The following PRKCE variants were observed in gnomAD, a reference collection of about 807,000 sequenced individuals.
The protein encoded by PRKCE is protein kinase C epsilon type.
PRKCE carries 16 observed loss-of-function variants against 85.4 expected under a neutral mutation model. That is an observed-to-expected ratio of 0.19 (90% CI 0.13 to 0.28). PRKCE has a LOEUF of 0.28. Among genes scored for constraint, PRKCE ranks in the 10% least tolerant of loss-of-function variants. The pLI, the probability that PRKCE is intolerant of heterozygous loss-of-function variation, is 1.00. For synonymous variants in PRKCE, 388 were observed against 371.5 expected (o/e 1.04, Z -0.51); for missense variants, 573 against 975.2 (o/e 0.59, Z 5.49).
In PRKCE at chr2:46,068,901, G is replaced by T. The variant is rs1406664845; in HGVS notation, c.1438-17307G>T. Among the ~76,000 whole-genome samples the T allele has an allele frequency of 6.6e-6, 1 of 152,224 alleles. No individual in the cohort carries two copies. The highest frequency in any genetic ancestry group is 6.5e-5 in the Admixed American group (1 of 15,292). On this transcript the variant is annotated intron_variant, in intron 10 of 14. Coordinates refer to ENST00000306156, the MANE Select transcript of PRKCE (RefSeq NM_005400.3). This position sits in a 1 kb window ranked among gnomAD's most constrained non-coding sequence, Gnocchi z 4.3. ...AGCTGTGGTCCTTGTGACTCCAAGG[G>T]TGATCCCTAGACTAGCAGCATTGCA... is the stretch of plus-strand genomic sequence containing the variant.
intron 10 of PRKCE, among the ~76,000 whole-genome samples, chr2:46,056,906 C>G (rs1666633470): frequency 6.6e-6 from 1 of 152,218 alleles, no homozygotes; most frequent in African/African-American, 2.4e-5. Context: ...GTTTGGATCA[C>G]TATTGCTACA....
intron 2 of PRKCE, among the ~76,000 whole-genome samples, chr2:45,922,553 C>T (rs1698326317): frequency 6.6e-6 from 1 of 152,206 alleles, no homozygotes; most frequent in Admixed American, 6.5e-5. Flanking sequence ...CCGCCACCTG[C>T]TCTCTTCCTA....
intron 10 of PRKCE, among the ~76,000 whole-genome samples, chr2:46,045,155 A>G (rs1267244306): frequency 6.6e-6 from 1 of 152,226 alleles, no homozygotes; most frequent in Non-Finnish European, 1.5e-5. Context: ...CCTAGGGTAT[A>G]CCACATATAG....
rs529871563 is a variant in PRKCE at position 46,137,082 on chromosome 2, G to A, written c.1593-8011G>A. Among the ~76,000 whole-genome samples, 6 of 152,300 alleles carry A rather than the reference G, an allele frequency of 3.9e-5. No individual in the cohort carries two copies. In the East Asian group the frequency reaches 1.2e-3, roughly 29 times the overall value. On this transcript the variant is annotated intron_variant, in intron 11 of 14. Transcript: ENST00000306156. ...GACCCCTGGAGGAGGCAGAATTTCT[G>A]GGATATCATGGATCAGGCACTGTGC...
chr2:45,853,758 G>A (rs1346452504), intron 2 of PRKCE, among the ~76,000 whole-genome samples: 2 of 152,142 alleles, frequency 1.3e-5, no homozygotes, highest in South Asian at 2.1e-4. Context: ...TTGGATAATC[G>A]GTTCTTTCAT....
Position 45,819,171 on chromosome 2 carries a change from A to G in PRKCE, c.349-23829A>G, listed in dbSNP as rs562476922. On this transcript the variant is annotated intron_variant, in intron 1 of 14. Transcript: ENST00000306156. ...GTCAGGCATAGTTTCTATGCATTTTATATAAATTAACTCATCAGATCCTCA... is the reference window on the plus strand; with the variant it reads ...GTCAGGCATAGTTTCTATGCATTTTGTATAAATTAACTCATCAGATCCTCA... Among the ~76,000 whole-genome samples, 19 of 152,292 alleles carry G rather than the reference A, an allele frequency of 1.2e-4. No homozygotes were observed. In the East Asian group the frequency reaches 2.7e-3, roughly 22 times the overall value.
intron 9 of PRKCE, among the ~76,000 whole-genome samples, chr2:46,008,862 A>AC (rs1705425494): frequency 6.6e-6 from 1 of 152,224 alleles, no homozygotes; most frequent in Non-Finnish European, 1.5e-5. Context: ...AACTTAGATG[A>AC]CTTTGGAGCA....
chr2:46,017,842 T>G (rs2104850590), intron 10 of PRKCE, among the ~76,000 whole-genome samples: 1 of 152,344 alleles, frequency 6.6e-6, no homozygotes, highest in East Asian at 1.9e-4. Flanking sequence ...CAAGGCCCAG[T>G]CAAGTCTTAT....
chr2:45,792,307 C>T (rs1025292381), intron 1 of PRKCE, among the ~76,000 whole-genome samples: 1 of 152,208 alleles, frequency 6.6e-6, no homozygotes, highest in Non-Finnish European at 1.5e-5. Flanking sequence ...ATGAGAGATC[C>T]ATCCCCATAA....
At position 46,147,725 on chromosome 2, in the gene PRKCE, C is replaced by A. The variant is rs563465592; in HGVS notation, c.1731+2494C>A. On this transcript the variant is annotated intron_variant, in intron 12 of 14. Coordinates refer to ENST00000306156, the MANE Select transcript of PRKCE (RefSeq NM_005400.3). ...TGCCTCTAAAGCATTAGCCCAGTGCCCAGCCCACAGGGAGTGCTGGCTAAA... is the reference window on the plus strand; with the variant it reads ...TGCCTCTAAAGCATTAGCCCAGTGCACAGCCCACAGGGAGTGCTGGCTAAA... Among the ~76,000 whole-genome samples the A allele has an allele frequency of 4.6e-5, 7 of 152,302 alleles. No homozygotes were observed. In the South Asian group the frequency reaches 1.5e-3, roughly 32 times the overall value.
intron 1 of PRKCE, among the ~76,000 whole-genome samples, chr2:45,759,751 G>A (rs775099558): frequency 1.2e-4 from 18 of 152,280 alleles, no homozygotes; most frequent in Non-Finnish European, 2.4e-4. Context: ...GATCATCCTC[G>A]CCATGGCATT....
At chr2:46,020,406 G>A (rs1046259391) in intron 10 of PRKCE, among the ~76,000 whole-genome samples, 1 of 152,102 alleles carries the variant, frequency 6.6e-6, no homozygotes, top group Non-Finnish European at 1.5e-5. Flanking sequence ...GCTGGAGTGA[G>A]TCTTGATTTT....
chr2:45,774,304 G>A lies in PRKCE; in HGVS notation c.349-68696G>A, dbSNP rs139852560. On this transcript the variant is annotated intron_variant, in intron 1 of 14. Transcript: ENST00000306156. This position sits in a 1 kb window ranked among gnomAD's most constrained non-coding sequence, Gnocchi z 4.3. ...GGTGATCGGACACCAGCCTGGCAGG[G>A]CAGCCTCATCTCATCTTCTGTAGCT... Among the ~76,000 whole-genome samples the A allele has an allele frequency of 1.1e-4, 16 of 152,262 alleles. No homozygotes were observed. Among genetic ancestry groups the A allele is most frequent in the African/African-American group, 3.6e-4 (15 of 41,552 alleles).
At chr2:45,790,757 G>A (rs1045622777) in intron 1 of PRKCE, among the ~76,000 whole-genome samples, 2 of 152,234 alleles carry the variant, frequency 1.3e-5, no homozygotes, top group African/African-American at 4.8e-5. Flanking sequence ...TATGCTCTGG[G>A]AAATTGATTT....
chr2:45,661,141 C>A (rs1036334333), intron 1 of PRKCE, among the ~76,000 whole-genome samples: 2 of 152,176 alleles, frequency 1.3e-5, no homozygotes, highest in Admixed American at 6.5e-5. Flanking sequence ...GAGCTCCTGA[C>A]CCCAAGAGAT....
At chr2:46,135,123 G>A (rs1270269624) in intron 11 of PRKCE, among the ~76,000 whole-genome samples, 1 of 152,038 alleles carries the variant, frequency 6.6e-6, no homozygotes, top group South Asian at 2.1e-4. Context: ...GACACCTCAG[G>A]CTTCCAGCTG....
At chr2:45,884,499 G>A (rs968418611) in intron 2 of PRKCE, among the ~76,000 whole-genome samples, 2 of 152,118 alleles carry the variant, frequency 1.3e-5, no homozygotes, top group Non-Finnish European at 2.9e-5. Flanking sequence ...CCATTTCTAC[G>A]GAGGTAAAAT....
chr2:46,125,864 G>C (rs1179659503), intron 11 of PRKCE, among the ~76,000 whole-genome samples: 1 of 152,202 alleles, frequency 6.6e-6, no homozygotes, highest in African/African-American at 2.4e-5. Flanking sequence ...GAGCAGAATG[G>C]AGTGTGAATC....
intron 14 of PRKCE, among the ~76,000 whole-genome samples, chr2:46,169,791 G>GT (rs1678712172): frequency 6.6e-6 from 1 of 152,170 alleles, no homozygotes; most frequent in Non-Finnish European, 1.5e-5. Flanking sequence ...GACCTGGGGT[G>GT]TGGGTGTTCA....
Sources: gnomAD v4.1 joint callset for allele counts (sites outside exome capture counted in the v4.1 genomes callset) on GRCh38, gnomAD v4.1.1 for gene constraint, Gnocchi (gnomAD v3.1) non-coding constraint, MANE v1.5 for transcripts, NCBI Gene and HGNC (gene_info 2026-07-23, HGNC 2026-07-21) for gene names.